The following BNC1 variants were observed in gnomAD, a reference collection of about 807,000 sequenced individuals.
The protein encoded by BNC1 is basonuclin zinc finger protein 1, also known as zinc finger protein basonuclin-1.
BNC1 carries 8 observed loss-of-function variants against 66.5 expected under a neutral mutation model. That is an observed-to-expected ratio of 0.12 (90% CI 0.07 to 0.22). BNC1 has a LOEUF of 0.22. Among genes scored for constraint, BNC1 ranks in the 10% least tolerant of loss-of-function variants. The pLI is 1.00. For synonymous variants in BNC1, 454 were observed against 452.6 expected, an observed-to-expected ratio of 1.00 and a Z score of -0.04; for missense variants, 1,069 against 1,241.3, an observed-to-expected ratio of 0.86 and a Z score of 2.09.
intron 4 of BNC1, among the ~76,000 whole-genome samples, chr15:83,259,196 A>C (rs1051562235): frequency 3.3e-5 from 5 of 152,312 alleles, no homozygotes; most frequent in Admixed American, 3.3e-4. Flanking sequence ...TTAACTTGTA[A>C]ATCAATGTTG....
intron 1 of BNC1, among the ~76,000 whole-genome samples, chr15:83,282,106 A>C (rs2038385371): frequency 1.3e-5 from 2 of 152,244 alleles, no homozygotes; most frequent in African/African-American, 2.4e-5. Context: ...CTAAATCCTT[A>C]CTAGTCTGAA....
chr15:83,265,925 T>C (rs556661972), intron 3 of BNC1, among the ~76,000 whole-genome samples: 5 of 152,314 alleles, frequency 3.3e-5, no homozygotes, highest in Admixed American at 2.0e-4. Flanking sequence ...AAGACTGACA[T>C]CTATGTTGGT....
At chr15:83,269,500 A>G (rs993014123) in intron 1 of BNC1, among the ~76,000 whole-genome samples, 7 of 152,184 alleles carry the variant, frequency 4.6e-5, no homozygotes, top group African/African-American at 1.7e-4. Context: ...TTAAACCTCT[A>G]ATCTGCCAAT....
Position 83,264,186 on chromosome 15 carries a change from G to C in BNC1, c.1065C>G (p.Gly355=). The C allele has an allele frequency of 6.2e-7, 1 of 1,614,176 alleles. No homozygotes were observed. The highest frequency in any genetic ancestry group is 8.5e-7 in the Non-Finnish European group (1 of 1,180,036). The change falls in exon 4 of 5, where the codon GGC becomes GGG. Residue 355 remains glycine (G), a synonymous_variant. Coordinates refer to ENST00000345382, the MANE Select transcript of BNC1 (RefSeq NM_001717.4). ...TCTCACATGCAGTGCAGAACACCCG[G>C]CCCTTCTTTGTACCAAGGCTATTCC... ...PERNSLGTKK[G]RVFCTACEKT...
chr15:83,276,984 A>G (rs2038329217), intron 1 of BNC1, among the ~76,000 whole-genome samples: 1 of 152,174 alleles, frequency 6.6e-6, no homozygotes. Context: ...TTCTCAGTGG[A>G]AAAAAATCGT....
rs753040152 is a variant in BNC1 at position 83,263,521 on chromosome 15, T to C, written c.1730A>G (p.Gln577Arg). 1.3e-5 allele frequency: 21 copies of C among 1,614,144 alleles called. No homozygotes were observed. The South Asian group carries it at 2.2e-4, about 17-fold the overall frequency. ...GTGTGACTGAGGACTGCAGGCCTCC[T>C]GCTCATCTTCACTGACCACCTGTAG... ...MPLQVVSEDE[Q>R]EACSPQSHRV... The change falls in exon 4 of 5, where the codon CAG (glutamine) becomes CGG (arginine). Residue 577 changes from glutamine (Q) to arginine (R), a missense_variant. By Grantham distance (43) the Gln-to-Arg change is conservative (BLOSUM62 1). This residue lies in a region of BNC1 where 657 missense variants were observed against 715.8 expected (regional missense o/e 0.92). Coordinates refer to ENST00000345382, the MANE Select transcript of BNC1 (RefSeq NM_001717.4).
At chr15:83,283,376 G>T (rs1595944987) in intron 1 of BNC1, 1 of 1,357,656 alleles carries the variant, frequency 7.4e-7, no homozygotes, top group East Asian at 2.9e-5. Flanking sequence ...GGAGCAGCGG[G>T]AGACCCCGCA....
intron 1 of BNC1, among the ~76,000 whole-genome samples, chr15:83,270,401 A>G (rs192381258): frequency 6.6e-6 from 1 of 152,352 alleles, no homozygotes; most frequent in Admixed American, 6.5e-5. Flanking sequence ...ATGTTTTAAG[A>G]AACTGCCAAA....
intron 1 of BNC1, among the ~76,000 whole-genome samples, chr15:83,271,214 T>C (rs529984713): frequency 6.6e-6 from 1 of 152,298 alleles, no homozygotes; most frequent in Non-Finnish European, 1.5e-5. Context: ...AGGTAGGGGT[T>C]GCAGCCTGGG....
chr15:83,280,034 T>C (rs962401384), intron 1 of BNC1, among the ~76,000 whole-genome samples: 1 of 152,210 alleles, frequency 6.6e-6, no homozygotes, highest in African/African-American at 2.4e-5. Context: ...GGAAAATACT[T>C]GTTCTTTTGA....
In BNC1 at chr15:83,263,511, G is replaced by A. The variant is rs974039911; in HGVS notation, c.1740C>T (p.Cys580=). 2 of 1,614,120 alleles carry A rather than the reference G, an allele frequency of 1.2e-6. No individual in the cohort carries two copies. Among genetic ancestry groups the A allele is most frequent in the African/African-American group, 2.7e-5 (2 of 74,942 alleles). Residue 580 remains cysteine, a synonymous_variant, in exon 4 of 5, where the codon TGC becomes TGT. Transcript: ENST00000345382. ...CAGATACTCTGTGTGACTGAGGACT[G>A]CAGGCCTCCTGCTCATCTTCACTGA... ...QVVSEDEQEA[C]SPQSHRVSEE...
chr15:83,283,254 G>C (rs1045041677), intron 1 of BNC1: 5 of 1,535,120 alleles, frequency 3.3e-6, no homozygotes, highest in African/African-American at 2.7e-5. Flanking sequence ...ATTAATATCA[G>C]ATCTCCTTCA....
Position 83,264,679 on chromosome 15 carries a change from T to C in BNC1, c.572A>G (p.Gln191Arg), listed in dbSNP as rs2038196218. The change falls in exon 4 of 5, where the codon CAA (glutamine) becomes CGA (arginine). Residue 191 changes from glutamine to arginine, a missense_variant. By Grantham distance (43) the Gln-to-Arg change is conservative. Transcript: ENST00000345382. ...TGTGGAAGGTGGTATGATGATGGATTGCTCTTCTTTCTCTTGAATTGCCAT... is the reference window on the plus strand; with the variant it reads ...TGTGGAAGGTGGTATGATGATGGATCGCTCTTCTTTCTCTTGAATTGCCAT... The part of the protein sequence containing the change: ...ELMAIQEKEE[Q>R]SIIIPPSTAN... 1 of 1,614,188 alleles carries C rather than the reference T, an allele frequency of 6.2e-7. No individual in the cohort carries two copies. The highest frequency in any genetic ancestry group is 8.5e-7 in the Non-Finnish European group (1 of 1,180,032).
At chr15:83,258,990 C>A (rs2151434099) in intron 4 of BNC1, among the ~76,000 whole-genome samples, 1 of 152,276 alleles carries the variant, frequency 6.6e-6, no homozygotes, top group East Asian at 1.9e-4. Flanking sequence ...GGTTGAGAAT[C>A]CAATTGGCTA....
rs765426090 is a variant in BNC1, at chr15:83,263,034, GTGA to G, written c.2214_2216del (p.His739del). 2.5e-6 allele frequency: 4 copies of G among 1,614,166 alleles called. No homozygotes were observed. Among genetic ancestry groups the G allele is most frequent in the Non-Finnish European group, 3.4e-6 (4 of 1,180,026 alleles). On this transcript the variant is annotated inframe_deletion, in exon 4 of 5. Coordinates refer to ENST00000345382, the MANE Select transcript of BNC1 (RefSeq NM_001717.4). ...GCATTTCTTTGACATGCATATTCTTGTGATGAATTTTCACACTACAAGCATTTT... is the reference window on the plus strand; with the variant it reads ...GCATTTCTTTGACATGCATATTCTTGTGAATTTTCACACTACAAGCATTTT...
At chr15:83,279,483 G>A (rs973249540) in intron 1 of BNC1, among the ~76,000 whole-genome samples, 53 of 152,182 alleles carry the variant, frequency 3.5e-4, no homozygotes, top group African/African-American at 1.2e-3. Flanking sequence ...CCAGGAAGAA[G>A]GCATGCTCTC....
chr15:83,275,613 G>A (rs564734583), intron 1 of BNC1, among the ~76,000 whole-genome samples: 1 of 152,306 alleles, frequency 6.6e-6, no homozygotes, highest in East Asian at 1.9e-4. Context: ...CTTTGAGGAG[G>A]TAACATGTGA....
At chr15:83,275,316 C>T (rs894437764) in intron 1 of BNC1, among the ~76,000 whole-genome samples, 1 of 151,934 alleles carries the variant, frequency 6.6e-6, no homozygotes, top group Admixed American at 6.6e-5. Context: ...GCCAACATGG[C>T]GAAACCCCAT....
At chr15:83,274,328 T>C (rs1032347383) in intron 1 of BNC1, among the ~76,000 whole-genome samples, 7 of 152,148 alleles carry the variant, frequency 4.6e-5, no homozygotes, top group African/African-American at 1.7e-4. Flanking sequence ...GAGCTTGCAG[T>C]GAGCTGAGAT....
Sources: allele counts gnomAD v4.1 joint callset (sites outside exome capture counted in the v4.1 genomes callset), GRCh38; gene constraint gnomAD v4.1.1; regional missense constraint gnomAD v4.1.1; transcripts MANE v1.5; gene names NCBI Gene and HGNC (gene_info 2026-07-23, HGNC 2026-07-21).